Variants in ZBBX observed in about 807,000 individuals in gnomAD.
ZBBX encodes zinc finger B-box domain containing.
ZBBX carries 101 observed loss-of-function variants against 108.5 expected under a neutral mutation model. The observed-to-expected ratio is 0.93, with a 90% CI of 0.79 to 1.10. ZBBX has a LOEUF of 1.10. Among genes scored for constraint, ZBBX ranks in the 50% least tolerant of loss-of-function variants. The pLI, the probability that ZBBX is intolerant of heterozygous loss-of-function variation, is 0.00. For missense variants in ZBBX, 1,009 were observed against 941.4 expected, an observed-to-expected ratio of 1.07 and a Z score of -0.94; for synonymous variants, 356 against 323.4, an observed-to-expected ratio of 1.10 and a Z score of -1.08.
At chr3:167,356,174 G>A (rs1743540732) in intron 8 of ZBBX, among the ~76,000 whole-genome samples, 1 of 152,022 alleles carries the variant, frequency 6.6e-6, no homozygotes, top group South Asian at 2.1e-4. Flanking sequence ...CAACCTGTAA[G>A]TGCCTTTTAG....
chr3:167,273,572 C>T (rs1021256771), intron 20 of ZBBX, among the ~76,000 whole-genome samples: 7 of 152,090 alleles, frequency 4.6e-5, no homozygotes, highest in South Asian at 2.1e-4. Flanking sequence ...CTTAGCAGGA[C>T]GCAGTGAGCT....
intron 17 of ZBBX, among the ~76,000 whole-genome samples, chr3:167,301,818 G>A (rs1018488402): frequency 6.6e-6 from 1 of 151,828 alleles, no homozygotes; most frequent in Admixed American, 6.6e-5. Context: ...TTAGCCAGGC[G>A]TACTGGTGGG....
intron 10 of ZBBX, among the ~76,000 whole-genome samples, chr3:167,330,955 C>CTCTCTT: frequency 1.4e-5 from 2 of 145,818 alleles, no homozygotes; most frequent in Non-Finnish European, 1.5e-5. Context: ...TTCTCTCTCT[C>CTCTCTT]TCTCTCTCTC....
chr3:167,207,184 C>T, the ZBBX span, among the ~76,000 whole-genome samples: 2 of 152,130 alleles, frequency 1.3e-5, no homozygotes, highest in African/African-American at 4.8e-5. Flanking sequence ...AATGAAAAGG[C>T]AGCCTATTTG....
At chr3:167,372,298 T>A (rs936930245) in intron 4 of ZBBX, among the ~76,000 whole-genome samples, 2 of 151,976 alleles carry the variant, frequency 1.3e-5, no homozygotes, top group Non-Finnish European at 2.9e-5. Context: ...TGACTGTAGG[T>A]GACATCAAAG....
At chr3:167,181,509 C>T in the ZBBX span, among the ~76,000 whole-genome samples, 166 of 152,184 alleles carry the variant, frequency 1.1e-3, 1 homozygote, top group Non-Finnish European at 1.7e-3. Context: ...TTGAAATGTT[C>T]ACTCCTGTAT....
rs554039496 is a variant in ZBBX at position 167,250,912 on chromosome 3, T to A, written c.2255-8269A>T. On this transcript the variant is annotated intron_variant, in intron 20 of 21. Coordinates refer to ENST00000675490, the MANE Select transcript of ZBBX (RefSeq NM_001199201.2). ...CCACCATGCTCTCATTCTGGGCCTA[T>A]AAAAACCCGAGACCCGAGTGGAAAA... Among the ~76,000 whole-genome samples the A allele has an allele frequency of 3.9e-5, 6 of 152,154 alleles. No individual in the cohort carries two copies. In the East Asian group the frequency reaches 1.2e-3, roughly 29 times the overall value.
chr3:167,207,714 T>G, the ZBBX span, among the ~76,000 whole-genome samples: 3 of 152,116 alleles, frequency 2.0e-5, no homozygotes, highest in Non-Finnish European at 4.4e-5. Context: ...ATCTCATAGA[T>G]GAAGACAATA....
the ZBBX span, among the ~76,000 whole-genome samples, chr3:167,186,694 T>C: frequency 0.052 from 7,877 of 152,144 alleles, 567 homozygotes; most frequent in African/African-American, 0.16. Flanking sequence ...GTCAAATATA[T>C]ACATAAAGGG....
chr3:167,317,577 A>T lies in ZBBX; in HGVS notation c.1004T>A (p.Phe335Tyr). 2.4e-5 allele frequency: 38 copies of T among 1,610,122 alleles called. No homozygotes were observed. The highest frequency in any genetic ancestry group is 3.2e-5 in the Non-Finnish European group (38 of 1,177,922). ...KHRRTPQEQL[F>Y]KMLPDTFPHP... ...TGGGAACGTATCTGGTAGCATTTTA[A>T]AAAGTTGCTCTTGTGGAGTTCTACA... is the stretch of plus-strand genomic sequence containing the variant. Residue 335 changes from phenylalanine to tyrosine, a missense_variant, in exon 13 of 22, where the codon TTT (phenylalanine) becomes TAT (tyrosine). Physicochemically the swap from Phe to Tyr is conservative, Grantham distance 22. Transcript: ENST00000675490.
intron 20 of ZBBX, among the ~76,000 whole-genome samples, chr3:167,252,845 G>A (rs6776127): frequency 0.02 from 2,996 of 152,092 alleles, 112 homozygotes; most frequent in African/African-American, 0.069. Flanking sequence ...AAAGACTAGC[G>A]TTTGTACACT....
At chr3:167,252,423 G>C (rs551551668) in intron 20 of ZBBX, among the ~76,000 whole-genome samples, 3 of 152,110 alleles carry the variant, frequency 2.0e-5, no homozygotes, top group Non-Finnish European at 4.4e-5. Context: ...GGGTAAAAAG[G>C]CCTTGTGCAG....
At chr3:167,188,263 C>T in the ZBBX span, among the ~76,000 whole-genome samples, 4 of 152,058 alleles carry the variant, frequency 2.6e-5, no homozygotes, top group African/African-American at 9.7e-5. Context: ...CATTGAGTAT[C>T]TACTGCTTCT....
Position 167,373,542 on chromosome 3 carries a change from A to G in ZBBX, c.-50+164T>C, listed in dbSNP as rs192057573. ...TGTGTACAACTTCTAATTTCCCCCA[A>G]ATTTTACTATTAACTTATTGTTCAT... On this transcript the variant is annotated intron_variant, in intron 3 of 21. Transcript: ENST00000675490. Among the ~76,000 whole-genome samples, 3 of 152,284 alleles carry G rather than the reference A, an allele frequency of 2.0e-5. No homozygotes were observed. The East Asian group carries it at 5.8e-4, about 29-fold the overall frequency.
At chr3:167,405,478 T>A (rs1424575238) in intron 1 of ZBBX, among the ~76,000 whole-genome samples, 2 of 152,108 alleles carry the variant, frequency 1.3e-5, no homozygotes, top group Non-Finnish European at 2.9e-5. Context: ...ACAGAAAAGG[T>A]GAAGACTTAA....
chr3:167,273,849 C>T (rs1726995447), intron 20 of ZBBX, among the ~76,000 whole-genome samples: 1 of 152,222 alleles, frequency 6.6e-6, no homozygotes. Context: ...CAGGGGGTAC[C>T]TGATAGATTC....
chr3:167,226,092 A>G, the ZBBX span, among the ~76,000 whole-genome samples: 2 of 151,472 alleles, frequency 1.3e-5, no homozygotes, highest in African/African-American at 4.8e-5. Flanking sequence ...TAAAAAAAAA[A>G]AAAGAAAAAA....
At chr3:167,300,841 C>T (rs769428631) in intron 17 of ZBBX, among the ~76,000 whole-genome samples, 2 of 151,534 alleles carry the variant, frequency 1.3e-5, no homozygotes, top group South Asian at 2.1e-4. Flanking sequence ...TGGTCTTGAA[C>T]TCCTGACCTT....
At chr3:167,351,946 C>T (rs1742730877) in intron 8 of ZBBX, among the ~76,000 whole-genome samples, 1 of 152,094 alleles carries the variant, frequency 6.6e-6, no homozygotes, top group Non-Finnish European at 1.5e-5. Flanking sequence ...GGTTGCTGGC[C>T]CACAACATAG....
Sources: allele counts gnomAD v4.1 joint callset (sites outside exome capture counted in the v4.1 genomes callset), GRCh38; gene constraint gnomAD v4.1.1; transcripts MANE v1.5; gene names NCBI Gene and HGNC (gene_info 2026-07-23, HGNC 2026-07-21).